The following WIPF3 variants were observed in gnomAD, a reference collection of about 807,000 sequenced individuals.
WIPF3 encodes WAS/WASL-interacting protein family member 3.
In WIPF3, 33 loss-of-function variants were observed where a neutral mutation model predicts 38.9. The ratio of observed to expected loss-of-function variants is 0.85; its 90% CI spans 0.64 to 1.14. The LOEUF (loss-of-function observed/expected upper bound fraction) is 1.14, where lower values mean the gene tolerates loss of function less well. Ranked by LOEUF, WIPF3 falls within the 50% of genes most tolerant of loss-of-function variation. The probability of loss-of-function intolerance (pLI) is 0.00; values close to 1 mark genes in which losing one functional copy is unlikely to be tolerated. For missense variants in WIPF3, 711 were observed against 652.5 expected (o/e 1.09, Z -0.98); for synonymous variants, 324 against 269.3 (o/e 1.20, Z -1.99).
At chr7:29,829,510 T>A (rs893583486) in intron 1 of WIPF3, among the ~76,000 whole-genome samples, 2 of 152,156 alleles carry the variant, frequency 1.3e-5, no homozygotes, top group African/African-American at 2.4e-5. Context: ...TGAGCCACCG[T>A]GCCTGAATTG....
intron 1 of WIPF3, among the ~76,000 whole-genome samples, chr7:29,831,780 G>A (rs1343916523): frequency 6.6e-6 from 1 of 152,290 alleles, no homozygotes; most frequent in Non-Finnish European, 1.5e-5. Context: ...CAATGGGCGG[G>A]GAAAGAGAAA....
At chr7:29,889,037 C>G (rs866321246) in intron 6 of WIPF3, among the ~76,000 whole-genome samples, 1 of 152,130 alleles carries the variant, frequency 6.6e-6, no homozygotes, top group Admixed American at 6.5e-5. Flanking sequence ...AGCTTCCTTA[C>G]GGTGTTATTG....
At chr7:29,819,269 C>CA (rs879694887) in intron 1 of WIPF3, among the ~76,000 whole-genome samples, 93 of 152,120 alleles carry the variant, frequency 6.1e-4, no homozygotes, top group South Asian at 2.9e-3. Flanking sequence ...TTCAACTCTT[C>CA]ATAATGGTTG....
chr7:29,845,089 A>G (rs965829573), intron 2 of WIPF3, among the ~76,000 whole-genome samples: 1 of 128,374 alleles, frequency 7.8e-6, no homozygotes, highest in African/African-American at 3.0e-5. Context: ...TGGTTCTTCC[A>G]CCCTTCTAAT....
chr7:29,889,785 G>C (rs1785967062), intron 7 of WIPF3, among the ~76,000 whole-genome samples: 1 of 152,154 alleles, frequency 6.6e-6, no homozygotes, highest in Admixed American at 6.5e-5. Flanking sequence ...TCAGAACTCT[G>C]GCAAATCGTG....
At chr7:29,882,390 T>G (rs1370444140) in intron 4 of WIPF3, among the ~76,000 whole-genome samples, 1 of 152,234 alleles carries the variant, frequency 6.6e-6, no homozygotes, top group African/African-American at 2.4e-5. Context: ...TGAGAACTTC[T>G]AGGCAGGAAT....
chr7:29,813,058 A>G (rs1483473371), intron 1 of WIPF3, among the ~76,000 whole-genome samples: 2 of 151,904 alleles, frequency 1.3e-5, no homozygotes, highest in East Asian at 1.9e-4. Context: ...ACCGCTTCCC[A>G]CTCTCTCCTC....
chr7:29,814,359 G>A (rs1784426001), intron 1 of WIPF3, among the ~76,000 whole-genome samples: 1 of 152,078 alleles, frequency 6.6e-6, no homozygotes, highest in South Asian at 2.1e-4. Flanking sequence ...TATCATTTGT[G>A]GGCAGGAACC....
chr7:29,895,834 C>G (rs547473710), intron 7 of WIPF3, among the ~76,000 whole-genome samples: 19 of 152,196 alleles, frequency 1.2e-4, no homozygotes, highest in Non-Finnish European at 2.5e-4. Context: ...GCCCCCATGA[C>G]TCAGACACCT....
chr7:29,890,993 C>T, intron 7 of WIPF3, among the ~76,000 whole-genome samples: 1 of 128,404 alleles, frequency 7.8e-6, no homozygotes, highest in Non-Finnish European at 1.7e-5. Context: ...GAGGGCCTGC[C>T]CTGTGCTCAG....
At chr7:29,835,951 A>G (rs1467784831) in intron 2 of WIPF3, among the ~76,000 whole-genome samples, 3 of 152,174 alleles carry the variant, frequency 2.0e-5, no homozygotes, top group Admixed American at 2.0e-4. Context: ...CCCCTGCTGC[A>G]TGACCACAGG....
At chr7:29,894,017 C>T (rs1562788839) in intron 7 of WIPF3, among the ~76,000 whole-genome samples, 1 of 152,188 alleles carries the variant, frequency 6.6e-6, no homozygotes, top group Non-Finnish European at 1.5e-5. Flanking sequence ...ATAAATGAAT[C>T]GGCATGGCTG....
At chr7:29,850,383 G>A (rs1785074044) in intron 2 of WIPF3, among the ~76,000 whole-genome samples, 1 of 152,206 alleles carries the variant, frequency 6.6e-6, no homozygotes, top group African/African-American at 2.4e-5. Flanking sequence ...AAGTTTAGGA[G>A]CCTTGAATTA....
intron 2 of WIPF3, among the ~76,000 whole-genome samples, chr7:29,864,522 T>C (rs1726295228): frequency 1.3e-5 from 2 of 152,226 alleles, no homozygotes; most frequent in South Asian, 4.1e-4. Context: ...TGAAAATCTC[T>C]GAAAGACAAT....
Position 29,889,401 on chromosome 7 carries a change from C to A in WIPF3, c.1345C>A (p.Pro449Thr), listed in dbSNP as rs755440028. Residue 449 changes from proline (P) to threonine (T), a missense_variant, in exon 7 of 9, where the codon CCC (proline) becomes ACC (threonine). Transcript: ENST00000242140. Reference sequence around the variant, plus strand: ...CCAGAAGATTTACCCCAGCAAGATCCCCAGAAGTAAGTACCACCTTGATAA... The same window carrying A: ...CCAGAAGATTTACCCCAGCAAGATCACCAGAAGTAAGTACCACCTTGATAA... Reference protein sequence around the residue: ...PCQKIYPSKIPRSRTPGPWLQ... With the variant: ...PCQKIYPSKITRSRTPGPWLQ... The A allele has an allele frequency of 1.2e-6, 2 of 1,613,530 alleles. No individual in the cohort carries two copies. Among genetic ancestry groups the A allele is most frequent in the Non-Finnish European group, 1.7e-6 (2 of 1,179,534 alleles).
In WIPF3 at chr7:29,848,741, C is replaced by T. The variant is rs538037385; in HGVS notation, c.90+13927C>T. Among the ~76,000 whole-genome samples the T allele has an allele frequency of 1.7e-3, 263 of 152,160 alleles. 1 individual carries two copies. The highest frequency in any genetic ancestry group is 4.8e-3 in the African/African-American group (200 of 41,528). On this transcript the variant is annotated intron_variant, in intron 2 of 8. Coordinates refer to ENST00000242140, the MANE Select transcript of WIPF3 (RefSeq NM_001080529.3). The stretch of plus-strand genomic sequence containing the variant: ...ATACTGAAATATTTGTGGGTGATTT[C>T]GTACAGTGTTGGATATGTTTTTAAT...
intron 2 of WIPF3, among the ~76,000 whole-genome samples, chr7:29,875,017 TC>T (rs1452245255): frequency 6.6e-6 from 1 of 152,270 alleles, no homozygotes; most frequent in East Asian, 1.9e-4. Flanking sequence ...AGTCTCAGTT[TC>T]CTCATCTGTA....
At chr7:29,909,564 T>C (rs540974631) in intron 8 of WIPF3, among the ~76,000 whole-genome samples, 1 of 152,110 alleles carries the variant, frequency 6.6e-6, no homozygotes, top group African/African-American at 2.4e-5. Context: ...TGGACACATT[T>C]CTAAAAACAC....
At chr7:29,846,739 A>T (rs1481275095) in intron 2 of WIPF3, among the ~76,000 whole-genome samples, 1 of 152,226 alleles carries the variant, frequency 6.6e-6, no homozygotes, top group East Asian at 1.9e-4. Context: ...GGGTGTAAAA[A>T]CAGGTTTAAA....
Sources: allele counts gnomAD v4.1 joint callset (sites outside exome capture counted in the v4.1 genomes callset), GRCh38; gene constraint gnomAD v4.1.1; transcripts MANE v1.5; gene names NCBI Gene and HGNC (gene_info 2026-07-23, HGNC 2026-07-21).